COMMD2: variants seen among roughly 807,000 people sequenced by gnomAD.
The protein encoded by COMMD2 is COMM domain containing 2.
Under a neutral mutation model 22.5 loss-of-function variants are expected in COMMD2, and 25 were observed. That is an observed-to-expected ratio of 1.11 (90% CI 0.81 to 1.55). COMMD2 has a LOEUF of 1.55. COMMD2 is among the 40% of genes most tolerant of loss of function. The pLI, the probability that COMMD2 is intolerant of heterozygous loss-of-function variation, is 0.00. For synonymous variants in COMMD2, 98 were observed against 91.2 expected (o/e 1.07, Z -0.42); for missense variants, 223 against 232.9 (o/e 0.96, Z 0.28).
chr3:149,739,327 G>A lies in COMMD2; in HGVS notation c.*2194C>T, dbSNP rs1716146782. The A allele has an allele frequency of 6.6e-6, 1 of 152,086 alleles. No homozygotes were observed. The highest frequency in any genetic ancestry group is 1.5e-5 in the Non-Finnish European group (1 of 67,994). 9.4% of individuals were successfully genotyped at this position (152,086 alleles called of 1,614,324 possible). A position where few individuals can be genotyped will look rare whatever the true frequency, so the allele number is the denominator to read the frequency against. ...ATGTGGAATGTTTGAGCAAAAAAAA[G>A]GAAGAGGCTTATTCAATGGCTTGTA... is the stretch of plus-strand genomic sequence containing the variant. On this transcript the variant is annotated 3_prime_UTR_variant, in exon 5 of 5. Coordinates refer to ENST00000473414, the MANE Select transcript of COMMD2 (RefSeq NM_016094.4).
At chr3:149,746,295 T>G (rs925828778) in intron 4 of COMMD2, among the ~76,000 whole-genome samples, 3 of 152,070 alleles carry the variant, frequency 2.0e-5, no homozygotes, top group Non-Finnish European at 4.4e-5. Flanking sequence ...GACTTGCAGA[T>G]GGACTAGATG....
At chr3:149,750,521 G>C (rs1716499940) in intron 4 of COMMD2, 157 bp downstream of exon 4, 4 of 529,928 alleles carry the variant, frequency 7.5e-6, no homozygotes, top group African/African-American at 1.9e-5. Flanking sequence ...GAAAATAAAA[G>C]AAAATGAATG....
rs921793396 is a variant in COMMD2, at chr3:149,741,398, T to A, written c.*123A>T. 1 of 791,026 alleles carries A rather than the reference T, an allele frequency of 1.3e-6. No individual in the cohort carries two copies. Among genetic ancestry groups the A allele is most frequent in the Non-Finnish European group, 2.0e-6 (1 of 489,998 alleles). 49.0% of individuals were successfully genotyped at this position (791,026 alleles called of 1,614,324 possible). On this transcript the variant is annotated 3_prime_UTR_variant, in exon 5 of 5. Transcript: ENST00000473414. ...TGATTATGACCTCAGTATCTTGGAA[T>A]AGATACTGAGGAATACTATGTATTT...
In COMMD2 at chr3:149,740,570, T is replaced by G. The variant is rs995829088; in HGVS notation, c.*951A>C. 1 of 152,168 alleles carries G rather than the reference T, an allele frequency of 6.6e-6. No individual in the cohort carries two copies. The highest frequency in any genetic ancestry group is 3.2e-3 in the Middle Eastern group (1 of 316). 9.4% of individuals were successfully genotyped at this position (152,168 alleles called of 1,614,324 possible). On this transcript the variant is annotated 3_prime_UTR_variant, in exon 5 of 5. Transcript: ENST00000473414. ...AAGCCAATTAATTAACCATGATCAC[T>G]CAAACTTAGGCAATATGATACTTAT...
rs375191073 is a variant in COMMD2 at position 149,752,268 on chromosome 3, C to T, written c.87G>A (p.Arg29=). The change falls in exon 2 of 5, where the codon CGG becomes CGA. Residue 29 remains arginine, a synonymous_variant. Coordinates refer to ENST00000473414, the MANE Select transcript of COMMD2 (RefSeq NM_016094.4). ...CGCGTCTCAGGAATTCCACAGCAAT[C>T]CGCCCAAACTCGGCGACCACTGCAA... ...VDSAVVAEFG[R]IAVEFLRRGA... The T allele has an allele frequency of 6.2e-7, 1 of 1,613,942 alleles. No homozygotes were observed. Among genetic ancestry groups the T allele is most frequent in the African/African-American group, 1.3e-5 (1 of 74,886 alleles).
intron 4 of COMMD2, among the ~76,000 whole-genome samples, chr3:149,748,106 G>C (rs779643418): frequency 2.0e-5 from 3 of 152,226 alleles, no homozygotes; most frequent in Non-Finnish European, 4.4e-5. Flanking sequence ...GCAGGTAAGA[G>C]AGGGAATAAT....
At chr3:149,745,836 T>C (rs1190026858) in intron 4 of COMMD2, among the ~76,000 whole-genome samples, 1 of 152,246 alleles carries the variant, frequency 6.6e-6, no homozygotes, top group Admixed American at 6.5e-5. Flanking sequence ...AAGCCTTTTG[T>C]CTTAACTCTT....
intron 3 of COMMD2, 119 bp downstream of exon 3, chr3:149,751,283 AT>A: frequency 1.3e-6 from 2 of 1,485,496 alleles, no homozygotes; most frequent in Non-Finnish European, 1.8e-6. Flanking sequence ...CAAAAAATCA[AT>A]TATAAACCAT....
chr3:149,750,305 T>C (rs1157804200), intron 4 of COMMD2: 2 of 374,196 alleles, frequency 5.3e-6, no homozygotes, highest in Non-Finnish European at 1.1e-5. Flanking sequence ...GGAGGATGCT[T>C]CTGGGGTGTG....
intron 1 of COMMD2, 38 bp downstream of exon 1, chr3:149,752,340 T>A: frequency 6.2e-7 from 1 of 1,613,814 alleles, no homozygotes; most frequent in Non-Finnish European, 8.5e-7. Flanking sequence ...TTTGACCTCC[T>A]CCCCAGCCCA....
At chr3:149,748,458 A>C (rs1716438774) in intron 4 of COMMD2, among the ~76,000 whole-genome samples, 1 of 152,344 alleles carries the variant, frequency 6.6e-6, no homozygotes, top group East Asian at 1.9e-4. Context: ...ACAAAAAACC[A>C]AAAAACCAGC....
rs955150079 is a variant in COMMD2, at chr3:149,739,190, G to A, written c.*2331C>T. ...TGCATTACTCAGAGTCAAGAAACCTGGGTCATACTGGAGAGAACAGTGACT... is the reference window on the plus strand; with the variant it reads ...TGCATTACTCAGAGTCAAGAAACCTAGGTCATACTGGAGAGAACAGTGACT... On this transcript the variant is annotated 3_prime_UTR_variant, in exon 5 of 5. Coordinates refer to ENST00000473414, the MANE Select transcript of COMMD2 (RefSeq NM_016094.4). 2 of 152,108 alleles carry A rather than the reference G, an allele frequency of 1.3e-5. No homozygotes were observed. The highest frequency in any genetic ancestry group is 4.8e-5 in the African/African-American group (2 of 41,406). The allele number at this position is 152,108 out of a possible 1,614,324, so 9.4% of individuals were successfully genotyped here.
rs375086390 is a variant in COMMD2, at chr3:149,749,249, C to G, written c.402+1429G>C. Among the ~76,000 whole-genome samples the G allele has an allele frequency of 1.4e-4, 22 of 152,346 alleles. No homozygotes were observed. The East Asian group carries it at 2.9e-3, about 20-fold the overall frequency. On this transcript the variant is annotated intron_variant, in intron 4 of 4. Coordinates refer to ENST00000473414, the MANE Select transcript of COMMD2 (RefSeq NM_016094.4). ...GAACTCCTGACCTCAAGCTATCCGC[C>G]TGCCTTGGCCTCTCAAAGTGCTGAG...
chr3:149,738,766 C>T lies in COMMD2; in HGVS notation c.*2755G>A, dbSNP rs1366122638. 6.6e-6 allele frequency: 1 copy of T among 152,150 alleles called. No individual in the cohort carries two copies. Among genetic ancestry groups the T allele is most frequent in the Non-Finnish European group, 1.5e-5 (1 of 67,988 alleles). 9.4% of individuals were successfully genotyped at this position (152,150 alleles called of 1,614,324 possible). Reference sequence around the variant, plus strand: ...CTGTTATGAATTTTAATGGCTCCTACACATGCATCCTTTATATATACCCTT... The same window carrying T: ...CTGTTATGAATTTTAATGGCTCCTATACATGCATCCTTTATATATACCCTT... On this transcript the variant is annotated 3_prime_UTR_variant, in exon 5 of 5. Coordinates refer to ENST00000473414, the MANE Select transcript of COMMD2 (RefSeq NM_016094.4).
At position 149,739,520 on chromosome 3, in the gene COMMD2, T is replaced by C. The variant is rs1442109688; in HGVS notation, c.*2001A>G. The C allele has an allele frequency of 6.6e-6, 1 of 152,242 alleles. No individual in the cohort carries two copies. The highest frequency in any genetic ancestry group is 1.5e-5 in the Non-Finnish European group (1 of 68,030). The allele number at this position is 152,242 out of a possible 1,614,324, so 9.4% of individuals were successfully genotyped here. ...TAAAAAAGGATTAGCACATGCTTTC[T>C]TGTTTTAATTGGGGTAAGAACAGTG... On this transcript the variant is annotated 3_prime_UTR_variant, in exon 5 of 5. Coordinates refer to ENST00000473414, the MANE Select transcript of COMMD2 (RefSeq NM_016094.4).
intron 4 of COMMD2, among the ~76,000 whole-genome samples, chr3:149,747,947 C>CAAAAAAAA (rs35936225): frequency 1.8e-5 from 1 of 55,994 alleles, no homozygotes; most frequent in Non-Finnish European, 3.1e-5. Flanking sequence ...GACTCCATCT[C>CAAAAAAAA]AAAAAAAAAA....
At position 149,747,559 on chromosome 3, in the gene COMMD2, T is replaced by C. The variant is rs867358776; in HGVS notation, c.402+3119A>G. ...CCTTGAGTAAGTTACGAGAGTAGAG[T>C]GAAGATTATAAAGCCTGATTAGGAA... is the stretch of plus-strand genomic sequence containing the variant. On this transcript the variant is annotated intron_variant, in intron 4 of 4. Coordinates refer to ENST00000473414, the MANE Select transcript of COMMD2 (RefSeq NM_016094.4). 2.0e-5 allele frequency among the ~76,000 whole-genome samples: 3 copies of C among 151,246 alleles called. No individual in the cohort carries two copies. The South Asian group carries it at 6.3e-4, about 32-fold the overall frequency.
intron 4 of COMMD2, among the ~76,000 whole-genome samples, chr3:149,747,754 T>C (rs1207980363): frequency 6.6e-6 from 1 of 151,908 alleles, no homozygotes; most frequent in African/African-American, 2.4e-5. Flanking sequence ...CTGGCCAACG[T>C]GGTGAAACCC....
chr3:149,748,528 C>T (rs1686913420), intron 4 of COMMD2, among the ~76,000 whole-genome samples: 1 of 152,210 alleles, frequency 6.6e-6, no homozygotes, highest in Non-Finnish European at 1.5e-5. Flanking sequence ...AAAGAAAACA[C>T]AAATGCCACC....
Sources: gnomAD v4.1 joint callset for allele counts (sites outside exome capture counted in the v4.1 genomes callset) on GRCh38, gnomAD v4.1.1 for gene constraint, MANE v1.5 for transcripts, NCBI Gene and HGNC (gene_info 2026-07-23, HGNC 2026-07-21) for gene names.